The following ZNF804B variants were observed in gnomAD, a reference collection of about 807,000 sequenced individuals.
ZNF804B encodes zinc finger 804B.
A neutral mutation model predicts 101.4 loss-of-function variants in ZNF804B; 80 were observed. The observed-to-expected ratio is 0.79, with a 90% CI of 0.66 to 0.95. ZNF804B has a LOEUF of 0.95. Among genes scored for constraint, ZNF804B ranks in the 40% least tolerant of loss-of-function variants. The pLI, the probability that ZNF804B is intolerant of heterozygous loss-of-function variation, is 0.00. For synonymous variants in ZNF804B, 622 were observed against 558.8 expected (o/e 1.11, Z -1.59); for missense variants, 1,673 against 1,561.9 (o/e 1.07, Z -1.20).
intron 1 of ZNF804B, among the ~76,000 whole-genome samples, chr7:88,831,175 C>G (rs1791126114): frequency 6.6e-6 from 1 of 151,868 alleles, no homozygotes; most frequent in Non-Finnish European, 1.5e-5. Flanking sequence ...ATTGTCACTT[C>G]TTTCCTGGAA....
At chr7:88,878,397 C>T (rs1791982595) in intron 1 of ZNF804B, among the ~76,000 whole-genome samples, 1 of 152,094 alleles carries the variant, frequency 6.6e-6, no homozygotes, top group Admixed American at 6.6e-5. Flanking sequence ...CTTACTACCT[C>T]ATGGATATAT....
At chr7:89,194,676 C>G (rs1405534098) in intron 1 of ZNF804B, among the ~76,000 whole-genome samples, 1 of 150,738 alleles carries the variant, frequency 6.6e-6, no homozygotes, top group Non-Finnish European at 1.5e-5. Context: ...ATCTATATCT[C>G]TGTTTTGGTA....
At chr7:89,282,884 C>A (rs1790121364) in intron 2 of ZNF804B, among the ~76,000 whole-genome samples, 1 of 152,088 alleles carries the variant, frequency 6.6e-6, no homozygotes, top group Non-Finnish European at 1.5e-5. Flanking sequence ...CGTGGCCCTG[C>A]CAATATCTTG....
chr7:88,999,973 CTTTG>C (rs1416607284), intron 1 of ZNF804B, among the ~76,000 whole-genome samples: 1 of 151,662 alleles, frequency 6.6e-6, no homozygotes, highest in Admixed American at 6.6e-5. Flanking sequence ...GTGAGAGATC[CTTTG>C]TTTATTTAAT....
At chr7:89,285,522 CA>C (rs778078214) in intron 2 of ZNF804B, among the ~76,000 whole-genome samples, 687 of 22,308 alleles carry the variant, frequency 0.031, no homozygotes, top group Non-Finnish European at 0.047. Flanking sequence ...GACTCTGTCT[CA>C]AAAAAAAAAA....
At position 88,872,719 on chromosome 7, in the gene ZNF804B, G is replaced by A. The variant is rs539910077; in HGVS notation, c.108+112635G>A. ...CCACCTATGAGTGAGAATATGTGGCGTTTGGTTTTTTGTTCTTGCGATAGT... is the reference window on the plus strand; with the variant it reads ...CCACCTATGAGTGAGAATATGTGGCATTTGGTTTTTTGTTCTTGCGATAGT... On this transcript the variant is annotated intron_variant, in intron 1 of 3. Transcript: ENST00000333190. Among the ~76,000 whole-genome samples, 589 of 150,870 alleles carry A rather than the reference G, an allele frequency of 3.9e-3. 4 individuals are homozygous for A. Among genetic ancestry groups the A allele is most frequent in the Middle Eastern group, 0.024 (7 of 294 alleles).
intron 1 of ZNF804B, among the ~76,000 whole-genome samples, chr7:89,214,587 G>A (rs1166137611): frequency 6.6e-6 from 1 of 152,056 alleles, no homozygotes; most frequent in Admixed American, 6.6e-5. Context: ...TCAACAAAAA[G>A]CCAAGAAATA....
chr7:89,027,434 G>A (rs918393212), intron 1 of ZNF804B, among the ~76,000 whole-genome samples: 3 of 152,160 alleles, frequency 2.0e-5, no homozygotes, highest in Non-Finnish European at 2.9e-5. Context: ...ATGCAGTTGA[G>A]GTTGTGAGTT....
intron 1 of ZNF804B, among the ~76,000 whole-genome samples, chr7:89,185,725 T>C (rs1424911595): frequency 6.6e-6 from 1 of 151,992 alleles, no homozygotes; most frequent in Non-Finnish European, 1.5e-5. Flanking sequence ...CCAGATGTGG[T>C]GGCTTCTGCC....
chr7:89,118,277 C>T (rs919674200), intron 1 of ZNF804B, among the ~76,000 whole-genome samples: 3 of 152,044 alleles, frequency 2.0e-5, no homozygotes, highest in Non-Finnish European at 2.9e-5. Flanking sequence ...AGTACTAAGT[C>T]GGAATTAGGT....
At chr7:88,846,040 G>C (rs1441800656) in intron 1 of ZNF804B, among the ~76,000 whole-genome samples, 1 of 152,186 alleles carries the variant, frequency 6.6e-6, no homozygotes, top group African/African-American at 2.4e-5. Flanking sequence ...CCAGCTTTCA[G>C]TGCAGAAAGG....
At chr7:88,804,214 TGTCA>T (rs1427905153) in intron 1 of ZNF804B, among the ~76,000 whole-genome samples, 2 of 152,104 alleles carry the variant, frequency 1.3e-5, no homozygotes, top group African/African-American at 4.8e-5. Flanking sequence ...CCTCCACATT[TGTCA>T]GTAAGAAGAA....
chr7:89,005,243 C>G (rs1415306559), intron 1 of ZNF804B, among the ~76,000 whole-genome samples: 1 of 151,998 alleles, frequency 6.6e-6, no homozygotes, highest in Non-Finnish European at 1.5e-5. Context: ...TTTACAGACA[C>G]TCCAACTGAT....
At chr7:89,205,783 G>A (rs1000037623) in intron 1 of ZNF804B, among the ~76,000 whole-genome samples, 3 of 152,146 alleles carry the variant, frequency 2.0e-5, no homozygotes, top group African/African-American at 7.2e-5. Flanking sequence ...TACTATTCTG[G>A]GGTCTGGAGG....
At chr7:88,971,569 T>A (rs1203930704) in intron 1 of ZNF804B, among the ~76,000 whole-genome samples, 1 of 151,606 alleles carries the variant, frequency 6.6e-6, no homozygotes, top group Non-Finnish European at 1.5e-5. Flanking sequence ...AGCAGTAGCC[T>A]TTAACTTCTG....
At chr7:88,788,275 A>G (rs1018856046) in intron 1 of ZNF804B, among the ~76,000 whole-genome samples, 5 of 152,136 alleles carry the variant, frequency 3.3e-5, no homozygotes, top group African/African-American at 1.2e-4. Context: ...AAGGCCCTAC[A>G]TAGTGTAACC....
intron 1 of ZNF804B, among the ~76,000 whole-genome samples, chr7:88,880,554 T>A (rs1338045208): frequency 6.6e-6 from 1 of 152,180 alleles, no homozygotes; most frequent in East Asian, 1.9e-4. Flanking sequence ...AAAGTCTTTA[T>A]AAAAATTGCT....
chr7:89,228,159 G>A (rs375216170), intron 2 of ZNF804B, among the ~76,000 whole-genome samples: 2 of 152,062 alleles, frequency 1.3e-5, no homozygotes, highest in African/African-American at 2.4e-5. Context: ...TGGTGGGTAC[G>A]TGGTCTCTCT....
chr7:89,099,046 A>T (rs1267190083), intron 1 of ZNF804B, among the ~76,000 whole-genome samples: 1 of 147,722 alleles, frequency 6.8e-6, no homozygotes, highest in African/African-American at 2.5e-5. Flanking sequence ...ATTATATATT[A>T]TATATATATT....
Sources: gnomAD v4.1 joint callset for allele counts (sites outside exome capture counted in the v4.1 genomes callset) on GRCh38, gnomAD v4.1.1 for gene constraint, MANE v1.5 for transcripts, NCBI Gene and HGNC (gene_info 2026-07-23, HGNC 2026-07-21) for gene names.